Variants in MAEA observed in about 807,000 individuals in gnomAD.
MAEA encodes E3 ubiquitin-protein transferase MAEA.
MAEA carries 22 observed loss-of-function variants against 46.2 expected under a neutral mutation model. The ratio of observed to expected loss-of-function variants is 0.48; its 90% CI spans 0.34 to 0.68. The LOEUF (loss-of-function observed/expected upper bound fraction) is 0.68. MAEA is among the 30% of genes least tolerant of loss of function. The probability of loss-of-function intolerance (pLI) is 0.01; values close to 1 mark genes in which losing one functional copy is unlikely to be tolerated. For missense variants in MAEA, 393 were observed against 558.1 expected, an observed-to-expected ratio of 0.70 and a Z score of 2.98; for synonymous variants, 246 against 222.6, an observed-to-expected ratio of 1.11 and a Z score of -0.94.
chr4:1,335,279 G>A, intron 6 of MAEA: 1 of 985,482 alleles, frequency 1.0e-6, no homozygotes, highest in Non-Finnish European at 1.2e-6. Context: ...ACTCTGCACT[G>A]AGCTGTCCTT....
At chr4:1,338,723 G>A (rs1577252435) in intron 8 of MAEA, 106 bp downstream of exon 8, 8 of 1,136,836 alleles carry the variant, frequency 7.0e-6, no homozygotes, top group East Asian at 5.2e-5. Context: ...CATCGCCATC[G>A]GGACAGGGCT....
chr4:1,314,157 G>A (rs189150959), intron 2 of MAEA, among the ~76,000 whole-genome samples: 77 of 151,696 alleles, frequency 5.1e-4, no homozygotes, highest in Middle Eastern at 6.8e-3. Flanking sequence ...GCGAAACCCC[G>A]TCTCTATTAA....
intron 1 of MAEA, among the ~76,000 whole-genome samples, chr4:1,301,189 G>A (rs1735286861): frequency 6.6e-6 from 1 of 152,288 alleles, no homozygotes; most frequent in African/African-American, 2.4e-5. Context: ...CGTTTTGTCA[G>A]CAAATTCTGT....
intron 1 of MAEA, among the ~76,000 whole-genome samples, chr4:1,290,880 C>A (rs938405683): frequency 1.3e-5 from 2 of 152,228 alleles, no homozygotes; most frequent in African/African-American, 4.8e-5. Context: ...AGGCTGTGAG[C>A]CATCCTGCTG....
chr4:1,322,302 TG>T, intron 3 of MAEA, 78 bp from the exon 4 acceptor site: 1 of 1,572,450 alleles, frequency 6.4e-7, no homozygotes, highest in Non-Finnish European at 8.7e-7. Flanking sequence ...GCCTGCCTCA[TG>T]GAGGCTGGGG....
intron 5 of MAEA, chr4:1,330,313 T>TCC (rs2108991683): frequency 6.1e-6 from 1 of 165,226 alleles, no homozygotes; most frequent in East Asian, 1.9e-4. Context: ...TGGGTGTTTC[T>TCC]CTCTCTCTCT....
chr4:1,323,542 G>C, intron 4 of MAEA: 1 of 702,518 alleles, frequency 1.4e-6, no homozygotes, highest in Non-Finnish European at 2.6e-6. Context: ...AAAGTAGAGC[G>C]GCTAGTAGCT....
At chr4:1,305,539 G>A (rs1026139593) in intron 1 of MAEA, among the ~76,000 whole-genome samples, 2 of 152,220 alleles carry the variant, frequency 1.3e-5, no homozygotes, top group African/African-American at 4.8e-5. Flanking sequence ...GAGTCATCTG[G>A]TAGGTGTCTT....
intron 2 of MAEA, among the ~76,000 whole-genome samples, chr4:1,315,007 T>C (rs1324006879): frequency 6.6e-6 from 1 of 152,238 alleles, no homozygotes; most frequent in Non-Finnish European, 1.5e-5. Context: ...CTAGCCCGAT[T>C]CATTTTTAAC....
intron 1 of MAEA, among the ~76,000 whole-genome samples, chr4:1,292,173 A>C (rs1032944661): frequency 9.2e-5 from 14 of 152,282 alleles, no homozygotes; most frequent in African/African-American, 3.4e-4. Flanking sequence ...GTCTGAGAGC[A>C]AGTCCTCCTG....
chr4:1,326,629 C>A (rs746011426), intron 4 of MAEA, among the ~76,000 whole-genome samples: 1 of 152,030 alleles, frequency 6.6e-6, no homozygotes, highest in Non-Finnish European at 1.5e-5. Context: ...CCCCCACCCC[C>A]GCCCCTGCCT....
intron 3 of MAEA, among the ~76,000 whole-genome samples, chr4:1,319,262 A>C (rs1454336107): frequency 6.6e-6 from 1 of 152,070 alleles, no homozygotes; most frequent in Non-Finnish European, 1.5e-5. Context: ...CTGCAGTGGG[A>C]GGATCACTTG....
At chr4:1,309,727 G>T in intron 1 of MAEA, 1 of 1,517,946 alleles carries the variant, frequency 6.6e-7, no homozygotes, top group Non-Finnish European at 8.8e-7. Flanking sequence ...GCCCCTCCCC[G>T]GCCTCCTTCA....
At chr4:1,329,054 T>C in intron 5 of MAEA, 1 of 985,726 alleles carries the variant, frequency 1.0e-6, no homozygotes, top group Non-Finnish European at 1.2e-6. Context: ...TCTGCTTCCA[T>C]CCCGAGTCAG....
At chr4:1,322,176 C>T (rs1246575079) in intron 3 of MAEA, among the ~76,000 whole-genome samples, 2 of 152,172 alleles carry the variant, frequency 1.3e-5, no homozygotes, top group Non-Finnish European at 2.9e-5. Flanking sequence ...AGCGTCCGAC[C>T]TTTTGGTCCT....
intron 1 of MAEA, among the ~76,000 whole-genome samples, chr4:1,310,495 G>A (rs1047542572): frequency 2.6e-5 from 4 of 152,208 alleles, no homozygotes; most frequent in East Asian, 1.9e-4. Context: ...CTTCGAGTCC[G>A]TCTCCTGTTG....
intron 1 of MAEA, among the ~76,000 whole-genome samples, chr4:1,301,299 C>T (rs1735300201): frequency 6.6e-6 from 1 of 152,234 alleles, no homozygotes; most frequent in Admixed American, 6.5e-5. Context: ...ACGTTTCACG[C>T]ATGTCTCCAC....
intron 2 of MAEA, among the ~76,000 whole-genome samples, chr4:1,313,757 A>G (rs1736798801): frequency 6.6e-6 from 1 of 151,838 alleles, no homozygotes; most frequent in South Asian, 2.1e-4. Context: ...CAGGGAACAG[A>G]CAGTATAAAA....
At chr4:1,309,829 G>T (rs1736259607) in intron 1 of MAEA, 1 of 1,363,082 alleles carries the variant, frequency 7.3e-7, no homozygotes, top group African/African-American at 1.5e-5. Context: ...CACACCAGCT[G>T]CCCGGAGCTC....
Sources: allele counts gnomAD v4.1 joint callset (sites outside exome capture counted in the v4.1 genomes callset), GRCh38; gene constraint gnomAD v4.1.1; transcripts MANE v1.5; gene names NCBI Gene and HGNC (gene_info 2026-07-23, HGNC 2026-07-21).